IGFL2: variants seen among roughly 807,000 people sequenced by gnomAD.
IGFL2 encodes the protein insulin growth factor-like family member 2.
In IGFL2, 7 loss-of-function variants were observed where a neutral mutation model predicts 13.9. That is an observed-to-expected ratio of 0.51 (90% CI 0.29 to 0.95). The LOEUF (loss-of-function observed/expected upper bound fraction) is 0.95. IGFL2 is among the 40% of genes least tolerant of loss of function. The pLI, the probability that IGFL2 is intolerant of heterozygous loss-of-function variation, is 0.08. For synonymous variants in IGFL2, 55 were observed against 55.8 expected (o/e 0.99, Z 0.07); for missense variants, 138 against 147.8 (o/e 0.93, Z 0.34).
the IGFL2 span, among the ~76,000 whole-genome samples, chr19:46,094,190 G>T: frequency 6.6e-6 from 1 of 151,852 alleles, no homozygotes; most frequent in African/African-American, 2.4e-5. Context: ...TTTTTATAAA[G>T]GTGTAGTAAT....
the IGFL2 span, among the ~76,000 whole-genome samples, chr19:46,102,759 T>A: frequency 2.0e-5 from 3 of 152,188 alleles, no homozygotes; most frequent in East Asian, 5.8e-4. Flanking sequence ...CTGACATTTC[T>A]GTCTTCTTAT....
chr19:46,156,460 G>A (rs1470303323), intron 1 of IGFL2, among the ~76,000 whole-genome samples: 1 of 152,146 alleles, frequency 6.6e-6, no homozygotes. Context: ...AACAGAGTAA[G>A]TTGTCTGACC....
the IGFL2 span, chr19:46,101,119 G>C: frequency 6.6e-6 from 1 of 152,322 alleles, no homozygotes; most frequent in African/African-American, 2.4e-5. Flanking sequence ...TGTCCTCGAG[G>C]GGCACTGACC....
the IGFL2 span, among the ~76,000 whole-genome samples, chr19:46,194,239 T>C: frequency 6.6e-6 from 1 of 152,050 alleles, no homozygotes; most frequent in South Asian, 2.1e-4. Flanking sequence ...ATGGAGTCTA[T>C]GTTGTCTTTA....
chr19:46,124,586 A>G, the IGFL2 span: 3 of 1,575,704 alleles, frequency 1.9e-6, no homozygotes, highest in Admixed American at 1.7e-5. Flanking sequence ...TGCACTGGGA[A>G]TGAGATGAGA....
At chr19:46,108,278 G>A in the IGFL2 span, among the ~76,000 whole-genome samples, 1 of 152,070 alleles carries the variant, frequency 6.6e-6, no homozygotes, top group Non-Finnish European at 1.5e-5. Flanking sequence ...GCAGAGACTA[G>A]GGAGGAACCG....
At chr19:46,103,476 G>A in the IGFL2 span, among the ~76,000 whole-genome samples, 1 of 152,266 alleles carries the variant, frequency 6.6e-6, no homozygotes, top group Admixed American at 6.5e-5. Flanking sequence ...CTTCATCAGG[G>A]TGAAAGTATT....
chr19:46,119,665 C>T, the IGFL2 span, among the ~76,000 whole-genome samples: 1 of 150,650 alleles, frequency 6.6e-6, no homozygotes, highest in Non-Finnish European at 1.5e-5. Context: ...TGAATACTGC[C>T]AAAGAAGTCA....
chr19:46,186,492 G>A, the IGFL2 span, among the ~76,000 whole-genome samples: 7 of 152,206 alleles, frequency 4.6e-5, no homozygotes, highest in African/African-American at 1.4e-4. Context: ...GTTCCTGCAG[G>A]GAAAGAGTGC....
chr19:46,150,785 C>A (rs1344492365), intron 1 of IGFL2, among the ~76,000 whole-genome samples: 1 of 152,076 alleles, frequency 6.6e-6, no homozygotes, highest in Non-Finnish European at 1.5e-5. Context: ...ATCCTTCCAC[C>A]TCAGCTCCCA....
At chr19:46,204,365 T>C in the IGFL2 span, among the ~76,000 whole-genome samples, 1 of 152,110 alleles carries the variant, frequency 6.6e-6, no homozygotes, top group South Asian at 2.1e-4. Context: ...GGGTCCAGTC[T>C]AGATGGTGTC....
the IGFL2 span, among the ~76,000 whole-genome samples, chr19:46,177,247 T>C: frequency 2.0e-5 from 3 of 151,566 alleles, no homozygotes; most frequent in Non-Finnish European, 4.4e-5. Flanking sequence ...ATACAAAAAT[T>C]AGCGGTGTGG....
chr19:46,088,091 C>T, the IGFL2 span, among the ~76,000 whole-genome samples: 2 of 152,146 alleles, frequency 1.3e-5, no homozygotes, highest in Non-Finnish European at 1.5e-5. Context: ...CACCATTCGC[C>T]CAGTTGATTC....
At chr19:46,204,554 C>T in the IGFL2 span, among the ~76,000 whole-genome samples, 1 of 152,162 alleles carries the variant, frequency 6.6e-6, no homozygotes, top group Non-Finnish European at 1.5e-5. Context: ...AGTGATGCAG[C>T]CCTGCTCCCT....
chr19:46,142,986 C>T (rs1239676376), upstream of IGFL2: 1 of 152,260 alleles, frequency 6.6e-6, no homozygotes, highest in Non-Finnish European at 1.5e-5. Context: ...TATAAATGCA[C>T]TGGCTCTGTG....
chr19:46,139,633 G>T (rs1972767202), upstream of IGFL2, among the ~76,000 whole-genome samples: 1 of 151,934 alleles, frequency 6.6e-6, no homozygotes, highest in Non-Finnish European at 1.5e-5. Flanking sequence ...TAATAATTAT[G>T]AATCTGAATA....
the IGFL2 span, among the ~76,000 whole-genome samples, chr19:46,185,257 C>G: frequency 2.0e-5 from 3 of 152,178 alleles, no homozygotes; most frequent in Admixed American, 6.5e-5. Context: ...CTCTCAGTTC[C>G]TCTCTTCTTC....
the IGFL2 span, chr19:46,123,759 T>C: frequency 7.5e-6 from 8 of 1,071,206 alleles, no homozygotes; most frequent in Non-Finnish European, 1.1e-5. Flanking sequence ...CTTTTTGCTT[T>C]CCCCTGCTGC....
At chr19:46,175,178 A>G in the IGFL2 span, among the ~76,000 whole-genome samples, 2 of 152,214 alleles carry the variant, frequency 1.3e-5, no homozygotes, top group Non-Finnish European at 2.9e-5. Context: ...AGCACATAAT[A>G]TATCCAAAAT....
Sources: allele counts gnomAD v4.1 joint callset (sites outside exome capture counted in the v4.1 genomes callset), GRCh38; gene constraint gnomAD v4.1.1; transcripts MANE v1.5; gene names NCBI Gene and HGNC (gene_info 2026-07-23, HGNC 2026-07-21).